GRM5: variants seen among roughly 807,000 people sequenced by gnomAD.
The protein encoded by GRM5 is glutamate metabotropic receptor 5.
A neutral mutation model predicts 83.1 loss-of-function variants in GRM5; 19 were observed. That is an observed-to-expected ratio of 0.23 (90% CI 0.16 to 0.34). GRM5 has a LOEUF of 0.34. Among genes scored for constraint, GRM5 ranks in the 10% least tolerant of loss-of-function variants. GRM5 has a pLI of 1.00. For synonymous variants in GRM5, 675 were observed against 633.6 expected, an observed-to-expected ratio of 1.07 and a Z score of -0.98; for missense variants, 1,160 against 1,588.3, an observed-to-expected ratio of 0.73 and a Z score of 4.58.
intron 1 of GRM5, among the ~76,000 whole-genome samples, chr11:89,056,019 A>G (rs1941866484): frequency 6.6e-6 from 1 of 152,196 alleles, no homozygotes; most frequent in Non-Finnish European, 1.5e-5. Context: ...ATTTAATTTT[A>G]TCAGTTGCAT....
rs200343438 is a variant in GRM5, at chr11:88,978,474, TAAAAAAAAAAAAAAAAAAAAAA to T, written c.661+68716_661+68737del. 2.4e-3 allele frequency among the ~76,000 whole-genome samples: 236 copies of T among 97,988 alleles called. 8 individuals are homozygous for T. Among genetic ancestry groups the T allele is most frequent in the Non-Finnish European group, 3.2e-3 (151 of 47,588 alleles). The allele number at this position is 97,988 out of a possible 152,430, so 64.3% of individuals were successfully genotyped here. On this transcript the variant is annotated intron_variant, in intron 2 of 9. Coordinates refer to ENST00000305447, the MANE Select transcript of GRM5 (RefSeq NM_001143831.3). ...TAACATTAACAACAGCAGATGAGCT[TAAAAAAAAAAAAAAAAAAAAAA>T]AAAAAAAAAAAAAAAAAAAACCTCA... is the stretch of plus-strand genomic sequence containing the variant.
At chr11:88,948,235 C>T (rs1169762112) in intron 2 of GRM5, among the ~76,000 whole-genome samples, 1 of 152,076 alleles carries the variant, frequency 6.6e-6, no homozygotes, top group Non-Finnish European at 1.5e-5. Flanking sequence ...TCTTACTGCC[C>T]ATATTAGTGT....
intron 3 of GRM5, among the ~76,000 whole-genome samples, chr11:88,672,948 T>G (rs543770090): frequency 2.6e-5 from 4 of 151,934 alleles, no homozygotes; most frequent in Non-Finnish European, 4.4e-5. Flanking sequence ...TTGAAGTTTT[T>G]GCAAAATTGT....
intron 2 of GRM5, among the ~76,000 whole-genome samples, chr11:89,038,810 T>G (rs964796787): frequency 1.3e-5 from 2 of 152,208 alleles, no homozygotes; most frequent in African/African-American, 4.8e-5. Flanking sequence ...TGTAAAGGAA[T>G]GAGATTTAGA....
At chr11:88,910,156 T>C (rs1945472499) in intron 2 of GRM5, among the ~76,000 whole-genome samples, 1 of 152,076 alleles carries the variant, frequency 6.6e-6, no homozygotes, top group Non-Finnish European at 1.5e-5. Flanking sequence ...TTTCATATAA[T>C]TGAAATCATA....
chr11:88,630,845 TG>T (rs1398507882), intron 4 of GRM5, among the ~76,000 whole-genome samples: 1 of 152,306 alleles, frequency 6.6e-6, no homozygotes, highest in African/African-American at 2.4e-5. Flanking sequence ...CCCAAAGTGC[TG>T]GGATTACAGG....
intron 3 of GRM5, among the ~76,000 whole-genome samples, chr11:88,700,806 C>A (rs1047610186): frequency 6.6e-6 from 1 of 152,148 alleles, no homozygotes; most frequent in Non-Finnish European, 1.5e-5. Flanking sequence ...ACATATACAG[C>A]AATGGGACAG....
At chr11:88,746,199 T>C (rs887485570) in intron 3 of GRM5, among the ~76,000 whole-genome samples, 1 of 152,146 alleles carries the variant, frequency 6.6e-6, no homozygotes, top group African/African-American at 2.4e-5. Context: ...AGGTGTTGTC[T>C]CTCTAGGAAT....
rs950690916 is a variant in GRM5, at chr11:88,653,370, A to G, written c.945T>C (p.Asp315=). 3.1e-6 allele frequency: 5 copies of G among 1,612,782 alleles called. No individual in the cohort carries two copies. The African/African-American group carries it at 6.7e-5, about 22-fold the overall frequency. The change falls in exon 4 of 10, where the codon GAT becomes GAC. Residue 315 remains aspartate, a synonymous_variant. Transcript: ENST00000305447. ...CACCAACAGCTTCTCGCTGATATCC[A>G]TCTGTCACATCATACCTGTCAGCCC... ...DGWADRYDVT[D]GYQREAVGGI...
intron 2 of GRM5, among the ~76,000 whole-genome samples, chr11:89,037,334 C>T (rs1941414430): frequency 6.6e-6 from 1 of 151,956 alleles, no homozygotes; most frequent in Non-Finnish European, 1.5e-5. Flanking sequence ...GGACTAGAAA[C>T]TCGCCTGACC....
chr11:88,822,032 T>C (rs1460800913), intron 3 of GRM5, among the ~76,000 whole-genome samples: 8 of 152,206 alleles, frequency 5.3e-5, no homozygotes, highest in Non-Finnish European at 7.4e-5. Context: ...ATTTTTTGAA[T>C]TGAGAAGAGA....
At chr11:88,734,425 T>G (rs1941869330) in intron 3 of GRM5, among the ~76,000 whole-genome samples, 1 of 151,988 alleles carries the variant, frequency 6.6e-6, no homozygotes, top group Non-Finnish European at 1.5e-5. Context: ...AAATACCATA[T>G]AATACAACAA....
chr11:88,986,998 G>C (rs1248020546), intron 2 of GRM5, among the ~76,000 whole-genome samples: 4 of 151,956 alleles, frequency 2.6e-5, no homozygotes, highest in Non-Finnish European at 5.9e-5. Flanking sequence ...TCCTATCGGG[G>C]GAAGGAGCCA....
intron 2 of GRM5, among the ~76,000 whole-genome samples, chr11:88,886,724 C>G (rs1945049765): frequency 6.6e-6 from 1 of 152,176 alleles, no homozygotes; most frequent in South Asian, 2.1e-4. Context: ...GCAACAGAAT[C>G]TCCAACTTTT....
At chr11:88,681,226 CTGAGTTA>C (rs1161185043) in intron 3 of GRM5, among the ~76,000 whole-genome samples, 2 of 152,102 alleles carry the variant, frequency 1.3e-5, no homozygotes, top group Non-Finnish European at 2.9e-5. Context: ...TCATCCCCTC[CTGAGTTA>C]TATTTCTCTC....
intron 3 of GRM5, among the ~76,000 whole-genome samples, chr11:88,668,295 TCGCA>T (rs747018067): frequency 0.01 from 827 of 81,750 alleles, 8 homozygotes; most frequent in Non-Finnish European, 0.011. Context: ...CCCCAGAAAC[TCGCA>T]CACACACACA....
intron 2 of GRM5, among the ~76,000 whole-genome samples, chr11:88,939,767 T>C (rs1472944160): frequency 1.3e-5 from 2 of 151,492 alleles, no homozygotes; most frequent in African/African-American, 2.4e-5. Flanking sequence ...TGTTGAGAAA[T>C]AGAAAAGGGA....
intron 2 of GRM5, among the ~76,000 whole-genome samples, chr11:88,897,577 A>C (rs553450899): frequency 2.8e-4 from 42 of 151,872 alleles, no homozygotes; most frequent in African/African-American, 9.4e-4. Flanking sequence ...CTCCTGAGGG[A>C]CATTTGGTAA....
intron 3 of GRM5, among the ~76,000 whole-genome samples, chr11:88,789,258 G>T (rs1943127388): frequency 6.6e-6 from 1 of 152,038 alleles, no homozygotes; most frequent in Non-Finnish European, 1.5e-5. Flanking sequence ...AATCCACAAA[G>T]TAGAGGATAA....
Sources: allele counts gnomAD v4.1 joint callset (sites outside exome capture counted in the v4.1 genomes callset), GRCh38; gene constraint gnomAD v4.1.1; transcripts MANE v1.5; gene names NCBI Gene and HGNC (gene_info 2026-07-23, HGNC 2026-07-21).